The following INTS6 variants were observed in gnomAD, a reference collection of about 807,000 sequenced individuals.
The protein encoded by INTS6 is integrator complex subunit 6, also known as DEAD box protein.
In INTS6, 16 loss-of-function variants were observed where a neutral mutation model predicts 104.9. The observed-to-expected ratio is 0.15, with a 90% confidence interval of 0.10 to 0.23. The LOEUF is 0.23. Among genes scored for constraint, INTS6 ranks in the 10% least tolerant of loss-of-function variants. The probability of loss-of-function intolerance (pLI) is 1.00; values close to 1 mark genes in which losing one functional copy is unlikely to be tolerated. For missense variants in INTS6, 584 were observed against 1,062.8 expected (o/e 0.55, Z 6.26); for synonymous variants, 324 against 358.7 (o/e 0.90, Z 1.09).
At position 51,378,287 on chromosome 13, in the gene INTS6, G is replaced by A. The variant is rs140156322; in HGVS notation, c.1554C>T (p.Asp518=). ...ISEDVPHRLL[D]LNMKEYTGFQ... ...ACCCAGTGTATTCCTTCATATTAAG[G>A]TCTAGCAGTCTGTGAGGGACATCCT... The change falls in exon 12 of 18, where the codon GAC becomes GAT. Residue 518 remains aspartate (D), a synonymous_variant. Coordinates refer to ENST00000311234, the MANE Select transcript of INTS6 (RefSeq NM_012141.3). 843 of 1,613,404 alleles carry A rather than the reference G, an allele frequency of 5.2e-4. 21 individuals carry two copies. The East Asian group carries it at 0.016, about 30-fold the overall frequency.
downstream of INTS6, among the ~76,000 whole-genome samples, chr13:51,349,749 G>T (rs114270579): frequency 1.4e-3 from 207 of 152,266 alleles, 1 homozygote; most frequent in African/African-American, 4.9e-3. Context: ...ACACTGGCAG[G>T]CAGGGAAGGC....
chr13:51,415,731 A>C (rs1230648025), intron 4 of INTS6, among the ~76,000 whole-genome samples: 2 of 152,126 alleles, frequency 1.3e-5, no homozygotes, highest in Non-Finnish European at 2.9e-5. Context: ...AGTAATATAT[A>C]ATTATTAATA....
At chr13:51,449,993 A>T (rs1404545890) in intron 3 of INTS6, 1 of 985,254 alleles carries the variant, frequency 1.0e-6, no homozygotes, top group Non-Finnish European at 1.2e-6. Context: ...ATCCCTAAGA[A>T]GCTTAAAATT....
intron 4 of INTS6, among the ~76,000 whole-genome samples, chr13:51,426,103 G>A (rs142669551): frequency 1.3e-5 from 2 of 152,130 alleles, no homozygotes; most frequent in African/African-American, 4.8e-5. Context: ...TTTATTAAAT[G>A]AGGCCCAAGG....
intron 4 of INTS6, among the ~76,000 whole-genome samples, chr13:51,409,745 A>C (rs1956648412): frequency 6.6e-6 from 1 of 152,190 alleles, no homozygotes; most frequent in Non-Finnish European, 1.5e-5. Flanking sequence ...AACAATGTCC[A>C]TTCTCACTAC....
At chr13:51,344,423 A>C in the INTS6 span, 3 of 1,609,160 alleles carry the variant, frequency 1.9e-6, no homozygotes, top group Non-Finnish European at 1.7e-6. Context: ...GAACCAGCCG[A>C]CCTCAGTGAG....
chr13:51,336,885 A>G, the INTS6 span, among the ~76,000 whole-genome samples: 1 of 152,230 alleles, frequency 6.6e-6, no homozygotes, highest in Non-Finnish European at 1.5e-5. Context: ...TTTTGAGTCT[A>G]TGCACTGCAT....
chr13:51,336,542 T>G, the INTS6 span, among the ~76,000 whole-genome samples: 1 of 152,168 alleles, frequency 6.6e-6, no homozygotes, highest in Non-Finnish European at 1.5e-5. Context: ...CAGCATAGAT[T>G]CATAGTCCAG....
chr13:51,338,447 G>GTGGATGGA, the INTS6 span, among the ~76,000 whole-genome samples: 2,648 of 149,198 alleles, frequency 0.018, 37 homozygotes, highest in South Asian at 0.046. Flanking sequence ...GGATGGATAG[G>GTGGATGGA]TGGATGGATG....
At chr13:51,443,475 A>T (rs1952835154) in intron 3 of INTS6, 1 of 152,198 alleles carries the variant, frequency 6.6e-6, no homozygotes, top group Non-Finnish European at 1.5e-5. Flanking sequence ...ATTTTTTAAA[A>T]ATTTAGTATT....
rs1162696015 is a variant in INTS6, at chr13:51,379,443, C to T, written c.1386+19G>A. 2 of 1,452,658 alleles carry T rather than the reference C, an allele frequency of 1.4e-6. No homozygotes were observed. 90.0% of individuals were successfully genotyped at this position (1,452,658 alleles called of 1,614,324 possible). A position where few individuals can be genotyped will look rare whatever the true frequency, so the allele number is the denominator to read the frequency against. On this transcript the variant is annotated intron_variant, in intron 11 of 17. Coordinates refer to ENST00000311234, the MANE Select transcript of INTS6 (RefSeq NM_012141.3). ...ACCATTCAAAATACTTAATGGCTCA[C>T]TCTATTTCTTGATATTACCTGTTGA...
intron 3 of INTS6, among the ~76,000 whole-genome samples, chr13:51,435,384 G>C (rs936276826): frequency 3.3e-5 from 5 of 151,898 alleles, no homozygotes; most frequent in Non-Finnish European, 7.4e-5. Context: ...AAAACCTCAA[G>C]TAAGAGTTCT....
At chr13:51,405,485 C>G (rs1956544806) in intron 4 of INTS6, among the ~76,000 whole-genome samples, 1 of 152,118 alleles carries the variant, frequency 6.6e-6, no homozygotes, top group African/African-American at 2.4e-5. Flanking sequence ...TTATACTTAG[C>G]CTATCAATTC....
At chr13:51,368,909 G>A in intron 16 of INTS6, 30 bp downstream of exon 16, 1 of 1,527,082 alleles carries the variant, frequency 6.5e-7, no homozygotes, top group Admixed American at 2.2e-5. Context: ...ACAGAAATCA[G>A]ATCTGAGGTT....
chr13:51,439,351 A>C, intron 3 of INTS6: 1 of 152,250 alleles, frequency 6.6e-6, no homozygotes, highest in East Asian at 1.9e-4. Flanking sequence ...TGATAGGACT[A>C]ATCACTAGAC....
chr13:51,374,395 T>G lies in INTS6; in HGVS notation c.1917A>C (p.Gln639His), dbSNP rs1382983112. The change falls in exon 15 of 18, where the codon CAA (glutamine) becomes CAC (histidine). Residue 639 changes from glutamine to histidine, a missense_variant. Gln to His is a conservative substitution (Grantham distance 24, BLOSUM62 0). This residue lies in a region of INTS6 where 296 missense variants were observed against 437.0 expected (regional missense o/e 0.68). Coordinates refer to ENST00000311234, the MANE Select transcript of INTS6 (RefSeq NM_012141.3). ...DEADEFVAGP[Q>H]NKHKRPGEPN... ...GTTCTCCGGGTCGTTTATGTTTATT[T>G]TGAGGTCCAGCCACAAATTCATCTG... 2.5e-6 allele frequency: 4 copies of G among 1,614,134 alleles called. No homozygotes were observed. The highest frequency in any genetic ancestry group is 1.7e-4 in the Middle Eastern group (1 of 6,060).
At chr13:51,409,146 T>C (rs1011532089) in intron 4 of INTS6, among the ~76,000 whole-genome samples, 2 of 151,860 alleles carry the variant, frequency 1.3e-5, no homozygotes, top group African/African-American at 4.8e-5. Context: ...TTGACCTTTT[T>C]AGCACCATGA....
At chr13:51,390,771 T>C (rs1167237813) in intron 5 of INTS6, among the ~76,000 whole-genome samples, 4 of 152,106 alleles carry the variant, frequency 2.6e-5, no homozygotes, top group Admixed American at 2.6e-4. Context: ...ACAACTTAAC[T>C]GTATAAAATA....
rs1203996193 is a variant in INTS6 at position 51,361,895 on chromosome 13, T to C, written c.*3857A>G. ...ATTTCCTGAGAGAACCTAACACAGG[T>C]ATTACAGTATTTTTTGACAGGATTC... On this transcript the variant is annotated 3_prime_UTR_variant, in exon 18 of 18. Coordinates refer to ENST00000311234, the MANE Select transcript of INTS6 (RefSeq NM_012141.3). 6.2e-7 allele frequency: 1 copy of C among 1,611,500 alleles called. No individual in the cohort carries two copies. The highest frequency in any genetic ancestry group is 1.7e-5 in the Admixed American group (1 of 59,782).
Sources: gnomAD v4.1 joint callset for allele counts (sites outside exome capture counted in the v4.1 genomes callset) on GRCh38, gnomAD v4.1.1 for gene constraint, gnomAD v4.1.1 regional missense constraint, MANE v1.5 for transcripts, NCBI Gene and HGNC (gene_info 2026-07-23, HGNC 2026-07-21) for gene names.